CLDN2: variants seen among roughly 807,000 people sequenced by gnomAD.
CLDN2 encodes claudin-2.
Under a neutral mutation model 8.2 loss-of-function variants are expected in CLDN2, and 1 was observed. That is an observed-to-expected ratio of 0.12 (90% CI 0.04 to 0.58). CLDN2 has a LOEUF of 0.58. Ranked by LOEUF, CLDN2 falls within the 20% of genes least tolerant of loss-of-function variation. The pLI, the probability that CLDN2 is intolerant of heterozygous loss-of-function variation, is 0.90. For missense variants in CLDN2, 108 were observed against 172.9 expected (o/e 0.62, Z 2.11); for synonymous variants, 70 against 70.2 (o/e 1.00, Z 0.01).
At chrX:106,909,038 G>A (rs1020979121) in intron 1 of CLDN2, among the ~76,000 whole-genome samples, 5 of 111,830 alleles carry the variant, frequency 4.5e-5, no homozygotes, top group African/African-American at 1.6e-4. Context: ...AAGATTTCAT[G>A]GAGGAGGAGG....
intron 1 of CLDN2, among the ~76,000 whole-genome samples, chrX:106,902,425 C>G (rs1202619656): frequency 8.9e-6 from 1 of 112,295 alleles, no homozygotes; most frequent in Non-Finnish European, 1.9e-5. Flanking sequence ...TTGTAATTGT[C>G]TATTTACTTG....
chrX:106,906,416 TCA>T lies in CLDN2; in HGVS notation c.-179+5913_-179+5914del, dbSNP rs756159369. 3.6e-5 allele frequency among the ~76,000 whole-genome samples: 4 copies of T among 111,193 alleles called. No homozygotes were observed. The South Asian group carries it at 1.5e-3, about 43-fold the overall frequency. ...CAATCTCAGTTGACCCCAGCGCCCC[TCA>T]GTCATCCTTGAGCATGTTCCCTTGT... On this transcript the variant is annotated intron_variant, in intron 1 of 1. Transcript: ENST00000541806.
intron 1 of CLDN2, among the ~76,000 whole-genome samples, chrX:106,925,979 C>A (rs1348749927): frequency 8.9e-6 from 1 of 111,843 alleles, no homozygotes; most frequent in Non-Finnish European, 1.9e-5. Flanking sequence ...CCACTCCAGG[C>A]TGGGCAACAA....
chrX:106,917,918 C>A (rs1427120152), upstream of CLDN2, among the ~76,000 whole-genome samples: 1 of 111,166 alleles, frequency 9.0e-6, no homozygotes, highest in Non-Finnish European at 1.9e-5. Flanking sequence ...AAAGAACCTC[C>A]TAGGCTCAAC....
intron 1 of CLDN2, among the ~76,000 whole-genome samples, chrX:106,926,192 T>C (rs919035766): frequency 1.8e-5 from 2 of 111,795 alleles, no homozygotes; most frequent in Admixed American, 9.4e-5. Context: ...AGTGGATGGA[T>C]AGAGGTATCA....
upstream of CLDN2, among the ~76,000 whole-genome samples, chrX:106,919,535 G>C (rs1436559880): frequency 9.0e-6 from 1 of 111,524 alleles, no homozygotes; most frequent in East Asian, 2.8e-4. Flanking sequence ...CCAGGCTGGA[G>C]TGCAGTGGTA....
Position 106,928,224 on chromosome X carries a change from C to G in CLDN2, c.-5C>G. The G allele has an allele frequency of 8.3e-7, 1 of 1,201,534 alleles. No individual in the cohort carries two copies. Among genetic ancestry groups the G allele is most frequent in the Non-Finnish European group, 1.1e-6 (1 of 888,528 alleles). On this transcript the variant is annotated 5_prime_UTR_variant, in exon 2 of 2. Transcript: ENST00000336803. Reference sequence around the variant, plus strand: ...CCTGAAGACGCTTCTACTGAGAGGTCTGCCATGGCCTCTCTTGGCCTCCAA... The same window carrying G: ...CCTGAAGACGCTTCTACTGAGAGGTGTGCCATGGCCTCTCTTGGCCTCCAA...
chrX:106,911,166 A>G (rs187357073), intron 1 of CLDN2, among the ~76,000 whole-genome samples: 105 of 111,499 alleles, frequency 9.4e-4, no homozygotes, highest in African/African-American at 3.2e-3. Context: ...CTGAGCCTCA[A>G]TTTCCTGGGG....
chrX:106,907,117 T>G (rs1456697379), intron 1 of CLDN2, among the ~76,000 whole-genome samples: 1 of 112,052 alleles, frequency 8.9e-6, no homozygotes, highest in Non-Finnish European at 1.9e-5. Flanking sequence ...TTGCCAAATT[T>G]GATCACTTCT....
intron 1 of CLDN2, among the ~76,000 whole-genome samples, chrX:106,906,388 G>A (rs765089558): frequency 1.4e-4 from 15 of 110,981 alleles, no homozygotes; most frequent in Non-Finnish European, 2.5e-4. Flanking sequence ...AGACAGACTC[G>A]ATCAATCTCA....
At chrX:106,916,726 C>A (rs1264044516), upstream of CLDN2, among the ~76,000 whole-genome samples, 1 of 111,332 alleles carries the variant, frequency 9.0e-6, no homozygotes, top group Non-Finnish European at 1.9e-5. Context: ...TGAAGGAGGA[C>A]TGATTTCAGT....
At chrX:106,920,917 A>C (rs762701602) in intron 1 of CLDN2, among the ~76,000 whole-genome samples, 3 of 111,681 alleles carry the variant, frequency 2.7e-5, no homozygotes, top group Non-Finnish European at 5.6e-5. Flanking sequence ...ACTCCCTCAC[A>C]GCCAGCTCCA....
At chrX:106,921,854 C>T (rs1933397624) in intron 1 of CLDN2, among the ~76,000 whole-genome samples, 1 of 112,168 alleles carries the variant, frequency 8.9e-6, no homozygotes, top group Admixed American at 9.4e-5. Flanking sequence ...GCTGACAAGG[C>T]CTAGAGTCCT....
At chrX:106,913,505 G>A (rs1404252437), upstream of CLDN2, among the ~76,000 whole-genome samples, 1 of 112,528 alleles carries the variant, frequency 8.9e-6, no homozygotes, top group Non-Finnish European at 1.9e-5. Flanking sequence ...AAGTTTAGGT[G>A]TAGTTATCAA....
At chrX:106,901,593 T>A (rs1933096044) in intron 1 of CLDN2, 1 of 1,110,895 alleles carries the variant, frequency 9.0e-7, no homozygotes, top group Non-Finnish European at 1.2e-6. Flanking sequence ...GATAACTTCC[T>A]CCTCTGTACT....
At chrX:106,918,694 A>G (rs962860627), upstream of CLDN2, among the ~76,000 whole-genome samples, 3 of 112,111 alleles carry the variant, frequency 2.7e-5, no homozygotes, top group Admixed American at 1.9e-4. Context: ...AGTGCCTGGC[A>G]CCTAGCAAGT....
chrX:106,907,702 A>AAATAATAAT (rs200946606), intron 1 of CLDN2, among the ~76,000 whole-genome samples: 6 of 95,377 alleles, frequency 6.3e-5, no homozygotes, highest in Non-Finnish European at 1.3e-4. Flanking sequence ...CTCCGTCTCA[A>AAATAATAAT]AATAATAATA....
At position 106,928,805 on chromosome X, in the gene CLDN2, A is replaced by C; in HGVS notation, c.577A>C (p.Asn193His). 3 of 1,211,346 alleles carry C rather than the reference A, an allele frequency of 2.5e-6. No homozygotes were observed. The highest frequency in any genetic ancestry group is 3.4e-6 in the Non-Finnish European group (3 of 895,328). Residue 193 changes from asparagine (N) to histidine (H), a missense_variant, in exon 2 of 2, where the codon AAC (asparagine) becomes CAC (histidine). By Grantham distance (68) the Asn-to-His change is moderately conservative. This residue lies in a region of CLDN2 where 81 missense variants were observed against 100.8 expected (regional missense o/e 0.80). Coordinates refer to ENST00000336803, the MANE Select transcript of CLDN2 (RefSeq NM_020384.4). ...FSCSSQRNRS[N>H]YYDAYQAQPL... ...CTGCTCATCCCAGAGAAATCGCTCC[A>C]ACTACTACGATGCCTACCAAGCCCA...
At chrX:106,903,525 G>A (rs752682963) in intron 1 of CLDN2, among the ~76,000 whole-genome samples, 31 of 111,914 alleles carry the variant, frequency 2.8e-4, no homozygotes, top group African/African-American at 9.4e-4. Flanking sequence ...TCAGTGGGAG[G>A]TGAGGGATTT....
Sources: gnomAD v4.1 joint callset for allele counts (sites outside exome capture counted in the v4.1 genomes callset) on GRCh38, gnomAD v4.1.1 for gene constraint, gnomAD v4.1.1 regional missense constraint, MANE v1.5 for transcripts, NCBI Gene and HGNC (gene_info 2026-07-23, HGNC 2026-07-21) for gene names.